The following PEAK1 variants were observed in gnomAD, a reference collection of about 807,000 sequenced individuals.
The protein encoded by PEAK1 is inactive tyrosine-protein kinase PEAK1.
Under a neutral mutation model 124.7 loss-of-function variants are expected in PEAK1, and 54 were observed. The ratio of observed to expected loss-of-function variants is 0.43; its 90% CI spans 0.35 to 0.54. PEAK1 has a LOEUF of 0.54. PEAK1 is among the 20% of genes least tolerant of loss of function. The pLI, the probability that PEAK1 is intolerant of heterozygous loss-of-function variation, is 0.01. For synonymous variants in PEAK1, 719 were observed against 760.0 expected (o/e 0.95, Z 0.89); for missense variants, 2,046 against 2,134.5 (o/e 0.96, Z 0.82).
chr15:77,168,907 T>C (rs1285690818), intron 7 of PEAK1, among the ~76,000 whole-genome samples: 2 of 152,198 alleles, frequency 1.3e-5, no homozygotes, highest in Non-Finnish European at 2.9e-5. Context: ...ATCCCAGATG[T>C]ACATGCCGGG....
At position 77,338,091 on chromosome 15, in the gene PEAK1, T is replaced by G; in HGVS notation, c.-603+27072A>C. The stretch of plus-strand genomic sequence containing the variant: ...CTATTGGACTCAAACTGTATACCAA[T>G]GAAAGGGTAAATAAGCAATGATAAT... On this transcript the variant is annotated intron_variant, in intron 2 of 9. Coordinates refer to ENST00000682557, the MANE Select transcript of PEAK1 (RefSeq NM_001385026.1). 5.1e-6 allele frequency: 5 copies of G among 983,998 alleles called. No individual in the cohort carries two copies. In the South Asian group the frequency reaches 2.4e-4, roughly 46 times the overall value. 61.0% of individuals were successfully genotyped at this position (983,998 alleles called of 1,614,324 possible).
chr15:77,320,064 T>C (rs1230283072), intron 2 of PEAK1, among the ~76,000 whole-genome samples: 5 of 152,220 alleles, frequency 3.3e-5, no homozygotes, highest in African/African-American at 9.6e-5. Flanking sequence ...AAATTGCTAA[T>C]ATATGATGTA....
intron 2 of PEAK1, among the ~76,000 whole-genome samples, chr15:77,331,931 A>G (rs916862198): frequency 2.0e-5 from 3 of 151,874 alleles, no homozygotes; most frequent in Non-Finnish European, 2.9e-5. Flanking sequence ...AATGCTTTTA[A>G]TACATTTTCT....
intron 1 of PEAK1, among the ~76,000 whole-genome samples, chr15:77,416,140 G>A (rs2072868636): frequency 6.6e-6 from 1 of 152,168 alleles, no homozygotes; most frequent in South Asian, 2.1e-4. Flanking sequence ...TCCTTTTGGA[G>A]GCAGGATACA....
At chr15:77,188,807 T>C (rs1362900882) in intron 6 of PEAK1, among the ~76,000 whole-genome samples, 1 of 152,152 alleles carries the variant, frequency 6.6e-6, no homozygotes, top group Non-Finnish European at 1.5e-5. Flanking sequence ...ATCTCTTGAA[T>C]TGTTTGGAAT....
intron 1 of PEAK1, among the ~76,000 whole-genome samples, chr15:77,391,024 T>C (rs1045223209): frequency 1.3e-5 from 2 of 152,190 alleles, no homozygotes; most frequent in Non-Finnish European, 2.9e-5. Context: ...ATCAGGATTT[T>C]AGTTTAAAGT....
chr15:77,398,966 G>T (rs796649344), intron 1 of PEAK1, among the ~76,000 whole-genome samples: 16 of 151,664 alleles, frequency 1.1e-4, no homozygotes, highest in African/African-American at 3.6e-4. Flanking sequence ...CATGCCAACA[G>T]CAAAAAATCT....
intron 2 of PEAK1, among the ~76,000 whole-genome samples, chr15:77,354,640 TATACTC>T (rs1394315297): frequency 6.6e-6 from 1 of 152,220 alleles, no homozygotes; most frequent in African/African-American, 2.4e-5. Flanking sequence ...AAACAGGACT[TATACTC>T]ATGGTGGTTA....
intron 2 of PEAK1, among the ~76,000 whole-genome samples, chr15:77,317,395 A>G (rs1217304059): frequency 6.6e-6 from 1 of 152,238 alleles, no homozygotes; most frequent in Non-Finnish European, 1.5e-5. Flanking sequence ...ATCTCATTAT[A>G]CCAGACACAA....
At chr15:77,238,558 T>C (rs1408922096) in intron 6 of PEAK1, among the ~76,000 whole-genome samples, 1 of 152,200 alleles carries the variant, frequency 6.6e-6, no homozygotes, top group Non-Finnish European at 1.5e-5. Flanking sequence ...CTTCATGATA[T>C]TAGTTTTCTT....
intron 1 of PEAK1, among the ~76,000 whole-genome samples, chr15:77,414,208 T>TGTCTTTCCTTCCTTCTTTCC: frequency 9.7e-6 from 1 of 103,122 alleles, no homozygotes; most frequent in Non-Finnish European, 2.0e-5. Context: ...TCTTTCCTTC[T>TGTCTTTCCTTCCTTCTTTCC]TTTTTTTTTT....
At chr15:77,328,630 C>T (rs951700151) in intron 2 of PEAK1, among the ~76,000 whole-genome samples, 1 of 152,160 alleles carries the variant, frequency 6.6e-6, no homozygotes, top group African/African-American at 2.4e-5. Context: ...AACTGAGGCT[C>T]TCACAGCTAT....
intron 6 of PEAK1, among the ~76,000 whole-genome samples, chr15:77,190,768 C>T (rs1239697750): frequency 5.3e-5 from 8 of 152,014 alleles, no homozygotes; most frequent in Non-Finnish European, 8.8e-5. Context: ...TTTTCAATAC[C>T]GTAGAAAGAA....
In PEAK1 at chr15:77,108,413, T is replaced by C. The variant is rs1159116905; in HGVS notation, c.*5743A>G. ...GAGATTGGAATGAGGACTGTCATGATTCAAATCACCAAGTAGAATGAAATC... is the reference window on the plus strand; with the variant it reads ...GAGATTGGAATGAGGACTGTCATGACTCAAATCACCAAGTAGAATGAAATC... On this transcript the variant is annotated 3_prime_UTR_variant, in exon 10 of 10. Transcript: ENST00000682557. 1 of 152,208 alleles carries C rather than the reference T, an allele frequency of 6.6e-6. No individual in the cohort carries two copies. The highest frequency in any genetic ancestry group is 1.9e-4 in the East Asian group (1 of 5,200). The allele number at this position is 152,208 out of a possible 1,614,324, so 9.4% of individuals were successfully genotyped here.
At position 77,126,661 on chromosome 15, in the gene PEAK1, A is replaced by AG. The variant is rs2052400847; in HGVS notation, c.4077+6343dup. 2.0e-5 allele frequency among the ~76,000 whole-genome samples: 3 copies of AG among 152,342 alleles called. No homozygotes were observed. In the South Asian group the frequency reaches 6.2e-4, roughly 32 times the overall value. On this transcript the variant is annotated intron_variant, in intron 9 of 9. Coordinates refer to ENST00000682557, the MANE Select transcript of PEAK1 (RefSeq NM_001385026.1). ...ACACATGTACTATAACAATCATCTG[A>AG]GATAAGTAGGGCAGTTAATATACAC...
In PEAK1 at chr15:77,112,731, C is replaced by T. The variant is rs945224651; in HGVS notation, c.*1425G>A. ...ACCCCAGTGGAAGGAACGCTCATCT[C>T]TTAGCGCAAATATGTGCCAAGGGAA... On this transcript the variant is annotated 3_prime_UTR_variant, in exon 10 of 10. Transcript: ENST00000682557. 1.3e-5 allele frequency: 2 copies of T among 152,290 alleles called. No individual in the cohort carries two copies. Among genetic ancestry groups the T allele is most frequent in the Non-Finnish European group, 2.9e-5 (2 of 68,440 alleles). 9.4% of individuals were successfully genotyped at this position (152,290 alleles called of 1,614,324 possible). A position where few individuals can be genotyped will look rare whatever the true frequency, so the allele number is the denominator to read the frequency against.
chr15:77,214,806 T>C (rs1596651705), intron 6 of PEAK1, among the ~76,000 whole-genome samples: 1 of 151,928 alleles, frequency 6.6e-6, no homozygotes, highest in South Asian at 2.1e-4. Context: ...TGTCACACAC[T>C]TTCCAACAAC....
At chr15:77,413,985 G>A (rs1184471952) in intron 1 of PEAK1, among the ~76,000 whole-genome samples, 2 of 151,256 alleles carry the variant, frequency 1.3e-5, no homozygotes, top group Non-Finnish European at 3.0e-5. Context: ...CACCACACCC[G>A]GCTAATTTAT....
intron 6 of PEAK1, among the ~76,000 whole-genome samples, chr15:77,219,449 T>A (rs188944474): frequency 1.3e-5 from 2 of 152,296 alleles, no homozygotes. Context: ...ATAGTTAATT[T>A]GGTAAACAAC....
Sources: allele counts gnomAD v4.1 joint callset (sites outside exome capture counted in the v4.1 genomes callset), GRCh38; gene constraint gnomAD v4.1.1; transcripts MANE v1.5; gene names NCBI Gene and HGNC (gene_info 2026-07-23, HGNC 2026-07-21).